Variants in CFAP20DC observed in about 807,000 individuals in gnomAD.
The protein encoded by CFAP20DC is protein CFAP20DC.
A neutral mutation model predicts 101.7 loss-of-function variants in CFAP20DC; 84 were observed. The ratio of observed to expected loss-of-function variants is 0.83; its 90% CI spans 0.69 to 0.99. CFAP20DC has a LOEUF of 0.99. CFAP20DC is among the 50% of genes least tolerant of loss of function. CFAP20DC has a pLI of 0.00. For missense variants in CFAP20DC, 1,007 were observed against 970.3 expected, an observed-to-expected ratio of 1.04 and a Z score of -0.50; for synonymous variants, 359 against 351.2, an observed-to-expected ratio of 1.02 and a Z score of -0.25.
chr3:58,806,518 A>G, intron 14 of CFAP20DC, 62 bp from the exon 15 acceptor site: 1 of 1,171,670 alleles, frequency 8.5e-7, no homozygotes, highest in Non-Finnish European at 1.3e-6. Flanking sequence ...ATAGACATTC[A>G]CATGCACTCT....
At chr3:58,924,220 T>C (rs2107579990) in intron 5 of CFAP20DC, among the ~76,000 whole-genome samples, 1 of 152,244 alleles carries the variant, frequency 6.6e-6, no homozygotes, top group South Asian at 2.1e-4. Context: ...TTTTCAACCA[T>C]TACCCCGCTT....
intron 14 of CFAP20DC, among the ~76,000 whole-genome samples, chr3:58,809,691 A>G (rs1030446093): frequency 3.9e-5 from 6 of 152,206 alleles, no homozygotes; most frequent in African/African-American, 7.2e-5. Flanking sequence ...AAGGCAAGAC[A>G]TAACTAAAAT....
intron 3 of CFAP20DC, among the ~76,000 whole-genome samples, chr3:58,735,748 T>A (rs1268654560): frequency 1.3e-5 from 2 of 152,194 alleles, no homozygotes; most frequent in Non-Finnish European, 2.9e-5. Flanking sequence ...ACAGCCACTA[T>A]ATTAGATTGA....
intron 6 of CFAP20DC, among the ~76,000 whole-genome samples, chr3:58,907,417 G>A (rs760489315): frequency 6.6e-6 from 1 of 152,188 alleles, no homozygotes; most frequent in Non-Finnish European, 1.5e-5. Context: ...GCCAGACCCT[G>A]AGCAGGGAAG....
intron 13 of CFAP20DC, among the ~76,000 whole-genome samples, chr3:58,847,522 T>G (rs1344169186): frequency 2.6e-5 from 4 of 151,796 alleles, no homozygotes; most frequent in Non-Finnish European, 5.9e-5. Context: ...AAACAACAGG[T>G]GCTGGAGAAG....
intron 1 of CFAP20DC, 79 bp from the exon 2 acceptor site, chr3:59,047,333 C>G: frequency 1.1e-6 from 1 of 931,272 alleles, no homozygotes; most frequent in Non-Finnish European, 1.6e-6. Flanking sequence ...AACCAGTGTT[C>G]CCGGCATCTG....
chr3:58,853,160 T>C (rs1223806863), intron 12 of CFAP20DC, among the ~76,000 whole-genome samples: 8 of 151,866 alleles, frequency 5.3e-5, no homozygotes, highest in African/African-American at 1.5e-4. Flanking sequence ...ATATCACCAC[T>C]GATCCCACAG....
chr3:58,835,698 C>G (rs1043846918), intron 13 of CFAP20DC, among the ~76,000 whole-genome samples: 1 of 152,198 alleles, frequency 6.6e-6, no homozygotes, highest in Non-Finnish European at 1.5e-5. Context: ...AATAGAGCAA[C>G]TGGTGATGGA....
At chr3:58,974,198 C>T (rs748533067) in intron 4 of CFAP20DC, among the ~76,000 whole-genome samples, 1 of 152,064 alleles carries the variant, frequency 6.6e-6, no homozygotes, top group Non-Finnish European at 1.5e-5. Context: ...ATGATCTTGT[C>T]ACCTAGGTAG....
At chr3:58,734,654 G>T (rs2067710885) in intron 3 of CFAP20DC, 7 of 444,624 alleles carry the variant, frequency 1.6e-5, no homozygotes, top group Admixed American at 1.5e-4. Context: ...AGGTGCCTAT[G>T]GTCCCCAAGT....
chr3:58,930,131 C>A (rs963369398), intron 5 of CFAP20DC, among the ~76,000 whole-genome samples: 1 of 152,202 alleles, frequency 6.6e-6, no homozygotes, highest in African/African-American at 2.4e-5. Flanking sequence ...CTCTTGCTCT[C>A]ACAGAATGTA....
intron 3 of CFAP20DC, among the ~76,000 whole-genome samples, chr3:58,718,497 T>C (rs2067426926): frequency 6.6e-6 from 1 of 152,104 alleles, no homozygotes; most frequent in Admixed American, 6.5e-5. Context: ...CTGGGGCACC[T>C]GGTATATCAG....
chr3:58,756,331 C>G (rs1305610907), intron 15 of CFAP20DC, among the ~76,000 whole-genome samples: 2 of 152,104 alleles, frequency 1.3e-5, no homozygotes, highest in African/African-American at 4.8e-5. Context: ...GCAAAACAAA[C>G]AAGAAACACT....
chr3:58,848,549 G>C (rs914486290), intron 13 of CFAP20DC, among the ~76,000 whole-genome samples: 1 of 152,062 alleles, frequency 6.6e-6, no homozygotes, highest in Non-Finnish European at 1.5e-5. Context: ...CTAGCCGAGG[G>C]ATTTATTCGA....
chr3:58,978,440 G>A (rs1371084084), intron 4 of CFAP20DC, among the ~76,000 whole-genome samples: 1 of 152,126 alleles, frequency 6.6e-6, no homozygotes, highest in Non-Finnish European at 1.5e-5. Context: ...CAGGTGCAGT[G>A]GCTCACACCT....
intron 5 of CFAP20DC, among the ~76,000 whole-genome samples, chr3:58,928,571 C>T (rs545170742): frequency 1.8e-4 from 28 of 152,216 alleles, no homozygotes; most frequent in African/African-American, 5.8e-4. Flanking sequence ...CCAGATTCTA[C>T]GTTCTTAACC....
intron 13 of CFAP20DC, among the ~76,000 whole-genome samples, chr3:58,845,638 A>C (rs1422886332): frequency 1.3e-5 from 2 of 152,184 alleles, no homozygotes; most frequent in Non-Finnish European, 2.9e-5. Context: ...ATACAAAAAG[A>C]GGGAATCCTC....
At chr3:58,893,266 G>A (rs536532544) in intron 6 of CFAP20DC, among the ~76,000 whole-genome samples, 94 of 152,158 alleles carry the variant, frequency 6.2e-4, no homozygotes, top group African/African-American at 2.2e-3. Context: ...GGATGGTCTC[G>A]ATCTCCTGAC....
chr3:58,987,059 AG>A (rs1203536936), intron 4 of CFAP20DC, among the ~76,000 whole-genome samples: 1 of 152,170 alleles, frequency 6.6e-6, no homozygotes, highest in Non-Finnish European at 1.5e-5. Context: ...TTAATAAAAA[AG>A]GACCTGCAAA....
Sources: gnomAD v4.1 joint callset for allele counts (sites outside exome capture counted in the v4.1 genomes callset) on GRCh38, gnomAD v4.1.1 for gene constraint, MANE v1.5 for transcripts, NCBI Gene and HGNC (gene_info 2026-07-23, HGNC 2026-07-21) for gene names.